The following HCN1 variants were observed in gnomAD, a reference collection of about 807,000 sequenced individuals.
HCN1 encodes potassium/sodium hyperpolarization-activated cyclic nucleotide-gated channel 1.
HCN1 carries 13 observed loss-of-function variants against 78.9 expected under a neutral mutation model. The observed-to-expected ratio is 0.16, with a 90% confidence interval of 0.11 to 0.26. The LOEUF (loss-of-function observed/expected upper bound fraction) is 0.26, where lower values mean the gene tolerates loss of function less well. Among genes scored for constraint, HCN1 ranks in the 10% least tolerant of loss-of-function variants. The pLI is 1.00. For synonymous variants in HCN1, 552 were observed against 455.5 expected, an observed-to-expected ratio of 1.21 and a Z score of -2.70; for missense variants, 810 against 1,154.3, an observed-to-expected ratio of 0.70 and a Z score of 4.32.
intron 6 of HCN1, among the ~76,000 whole-genome samples, chr5:45,267,655 C>T (rs1744887348): frequency 2.6e-5 from 4 of 152,020 alleles, no homozygotes; most frequent in Admixed American, 2.6e-4. Flanking sequence ...GTAGTCCCAG[C>T]TACTCGGGAG....
chr5:45,672,513 G>T (rs914091252), intron 1 of HCN1, among the ~76,000 whole-genome samples: 1 of 149,932 alleles, frequency 6.7e-6, no homozygotes, highest in African/African-American at 2.4e-5. Flanking sequence ...AACCCAGTTT[G>T]CAATAAAGGA....
intron 5 of HCN1, among the ~76,000 whole-genome samples, chr5:45,350,141 C>G (rs1438426249): frequency 1.3e-5 from 2 of 152,112 alleles, no homozygotes; most frequent in Non-Finnish European, 2.9e-5. Context: ...TACTGGCAAA[C>G]CGAATCCAGC....
rs940563936 is a variant in HCN1 at position 45,258,452 on chromosome 5, A to C, written c.*3469T>G. 1 of 152,178 alleles carries C rather than the reference A, an allele frequency of 6.6e-6. No individual in the cohort carries two copies. The highest frequency in any genetic ancestry group is 1.5e-5 in the Non-Finnish European group (1 of 68,002). The allele number at this position is 152,178 out of a possible 1,614,324, so 9.4% of individuals were successfully genotyped here. On this transcript the variant is annotated 3_prime_UTR_variant, in exon 8 of 8. Transcript: ENST00000303230. Reference sequence around the variant, plus strand: ...ATCAGGGAATTGTTCACTTATGAAGAGGTCATCCAGACCTGGAGACAAGCT... The same window carrying C: ...ATCAGGGAATTGTTCACTTATGAAGCGGTCATCCAGACCTGGAGACAAGCT...
intron 2 of HCN1, among the ~76,000 whole-genome samples, chr5:45,602,876 G>C (rs188524082): frequency 6.6e-6 from 1 of 152,164 alleles, no homozygotes; most frequent in East Asian, 1.9e-4. Context: ...AGTGAAAGTA[G>C]ACGTGTGCTT....
At chr5:45,275,809 A>C (rs1262082861) in intron 6 of HCN1, among the ~76,000 whole-genome samples, 1 of 152,160 alleles carries the variant, frequency 6.6e-6, no homozygotes, top group Non-Finnish European at 1.5e-5. Flanking sequence ...AAAATATCAA[A>C]GCTAAGAAGG....
At chr5:45,666,810 C>T (rs1173288838) in intron 1 of HCN1, among the ~76,000 whole-genome samples, 1 of 151,930 alleles carries the variant, frequency 6.6e-6, no homozygotes, top group African/African-American at 2.4e-5. Context: ...AATAAAGACA[C>T]TGCATCATAG....
Position 45,256,417 on chromosome 5 carries a change from C to T in HCN1, c.*5504G>A. 6.6e-6 allele frequency: 1 copy of T among 151,034 alleles called. No homozygotes were observed. Among genetic ancestry groups the T allele is most frequent in the Admixed American group, 6.6e-5 (1 of 15,148 alleles). 9.4% of individuals were successfully genotyped at this position (151,034 alleles called of 1,614,324 possible). ...GATGTTTCCCTTTGGGAGTAAATGGCCATTGATGTTACATTAGAAATATAA... is the reference window on the plus strand; with the variant it reads ...GATGTTTCCCTTTGGGAGTAAATGGTCATTGATGTTACATTAGAAATATAA... On this transcript the variant is annotated 3_prime_UTR_variant, in exon 8 of 8. Coordinates refer to ENST00000303230, the MANE Select transcript of HCN1 (RefSeq NM_021072.4).
intron 4 of HCN1, among the ~76,000 whole-genome samples, chr5:45,372,138 A>T (rs1252473848): frequency 3.8e-5 from 2 of 52,866 alleles, no homozygotes; most frequent in African/African-American, 1.2e-4. Context: ...ATATAATATA[A>T]TAATATATTA....
chr5:45,305,497 G>A (rs1171033733), intron 5 of HCN1, among the ~76,000 whole-genome samples: 1 of 152,088 alleles, frequency 6.6e-6, no homozygotes, highest in Non-Finnish European at 1.5e-5. Flanking sequence ...GTGGTACTTG[G>A]TGCATCATTA....
intron 2 of HCN1, among the ~76,000 whole-genome samples, chr5:45,470,534 A>C (rs927016990): frequency 6.6e-6 from 1 of 152,038 alleles, no homozygotes; most frequent in East Asian, 1.9e-4. Flanking sequence ...GACACCTTCC[A>C]GAAGGAAGGC....
chr5:45,325,506 T>A (rs1561107165), intron 5 of HCN1, among the ~76,000 whole-genome samples: 1 of 151,790 alleles, frequency 6.6e-6, no homozygotes, highest in African/African-American at 2.4e-5. Flanking sequence ...ACTCTATTGA[T>A]ATGATAAATT....
chr5:45,433,883 T>C (rs1009745758), intron 3 of HCN1, among the ~76,000 whole-genome samples: 3 of 152,222 alleles, frequency 2.0e-5, no homozygotes, highest in Non-Finnish European at 4.4e-5. Context: ...ATCTGTTGAA[T>C]GACAATTCAA....
At chr5:45,475,089 CTTCA>C in intron 2 of HCN1, among the ~76,000 whole-genome samples, 1 of 151,948 alleles carries the variant, frequency 6.6e-6, no homozygotes, top group African/African-American at 2.4e-5. Flanking sequence ...AAATCTGTTT[CTTCA>C]TTGTTTATCA....
chr5:45,522,696 C>A (rs1284519252), intron 2 of HCN1, among the ~76,000 whole-genome samples: 1 of 150,726 alleles, frequency 6.6e-6, no homozygotes, highest in Non-Finnish European at 1.5e-5. Context: ...TTGGAAACGA[C>A]AACTCTGCTT....
At chr5:45,448,349 G>C (rs1040751166) in intron 3 of HCN1, among the ~76,000 whole-genome samples, 3 of 152,030 alleles carry the variant, frequency 2.0e-5, no homozygotes, top group Non-Finnish European at 4.4e-5. Context: ...AGTTTATTCA[G>C]TTTAAAATAT....
chr5:45,389,578 T>C (rs544663539), intron 4 of HCN1, among the ~76,000 whole-genome samples: 8 of 152,146 alleles, frequency 5.3e-5, no homozygotes, highest in Non-Finnish European at 1.2e-4. Flanking sequence ...GCCTGACACA[T>C]GGTTAGCATT....
Position 45,696,240 on chromosome 5 carries a change from T to G in HCN1, c.-147A>C, listed in dbSNP as rs892052612. 10 of 198,568 alleles carry G rather than the reference T, an allele frequency of 5.0e-5. No homozygotes were observed. The South Asian group carries it at 1.3e-3, about 25-fold the overall frequency. 12.3% of individuals were successfully genotyped at this position (198,568 alleles called of 1,614,324 possible). A position where few individuals can be genotyped will look rare whatever the true frequency, so the allele number is the denominator to read the frequency against. On this transcript the variant is annotated 5_prime_UTR_variant, in exon 1 of 8. Transcript: ENST00000303230. The stretch of plus-strand genomic sequence containing the variant: ...CGGCGGCGGCGGCGGCGGCGGCGGC[T>G]GCTGCTTCCCGACCGCGCCGCTGCT...
At chr5:45,555,888 C>G (rs975222986) in intron 2 of HCN1, among the ~76,000 whole-genome samples, 19 of 151,746 alleles carry the variant, frequency 1.3e-4, no homozygotes, top group African/African-American at 4.4e-4. Context: ...GAATAAAGAA[C>G]CCCAAAATAA....
intron 2 of HCN1, among the ~76,000 whole-genome samples, chr5:45,610,368 C>T (rs374013489): frequency 6.6e-6 from 1 of 151,802 alleles, no homozygotes. Flanking sequence ...AGAATAGAGT[C>T]TAAAATCGAA....
Sources: gnomAD v4.1 joint callset for allele counts (sites outside exome capture counted in the v4.1 genomes callset) on GRCh38, gnomAD v4.1.1 for gene constraint, MANE v1.5 for transcripts, NCBI Gene and HGNC (gene_info 2026-07-23, HGNC 2026-07-21) for gene names.